GRIK5: variants seen among roughly 807,000 people sequenced by gnomAD.
GRIK5 encodes the protein glutamate ionotropic receptor kainate type subunit 5, also known as glutamate receptor ionotropic, kainate 5.
GRIK5 carries 43 observed loss-of-function variants against 97.4 expected under a neutral mutation model. The observed-to-expected ratio is 0.44, with a 90% CI of 0.35 to 0.57. GRIK5 has a LOEUF of 0.57. GRIK5 is among the 20% of genes least tolerant of loss of function. The pLI, the probability that GRIK5 is intolerant of heterozygous loss-of-function variation, is 0.01. For synonymous variants in GRIK5, 580 were observed against 583.5 expected, an observed-to-expected ratio of 0.99 and a Z score of 0.09; for missense variants, 1,015 against 1,382.0, an observed-to-expected ratio of 0.73 and a Z score of 4.21.
intron 12 of GRIK5, among the ~76,000 whole-genome samples, chr19:42,030,544 G>C (rs1048871792): frequency 1.3e-5 from 2 of 151,910 alleles, no homozygotes; most frequent in Non-Finnish European, 2.9e-5. Flanking sequence ...CTGTAGTCTC[G>C]AACTCCCAGG....
chr19:42,065,495 G>T lies in GRIK5; in HGVS notation c.80-108C>A, dbSNP rs2076318520. ...GGTGAGGTGGGTATACGGACCAGGG[G>T]TCTAGACACCTGGATCTGAGGTTGG... On this transcript the variant is annotated intron_variant, in intron 2 of 19. Coordinates refer to ENST00000593562, the MANE Select transcript of GRIK5 (RefSeq NM_002088.5). This position sits in a 1 kb window ranked among gnomAD's most constrained non-coding sequence, Gnocchi z 5.8. 2 of 1,190,692 alleles carry T rather than the reference G, an allele frequency of 1.7e-6. No homozygotes were observed. The highest frequency in any genetic ancestry group is 2.6e-5 in the Admixed American group (1 of 38,906). 73.8% of individuals were successfully genotyped at this position (1,190,692 alleles called of 1,614,324 possible).
intron 15 of GRIK5, among the ~76,000 whole-genome samples, chr19:42,020,522 A>T (rs1320043819): frequency 2.6e-5 from 4 of 152,116 alleles, no homozygotes; most frequent in South Asian, 2.1e-4. Context: ...TGAGGCTGAA[A>T]CCTACTGGGC....
Position 42,002,642 on chromosome 19 carries a change from A to G in GRIK5, c.2514+690T>C. 1.6e-6 allele frequency: 1 copy of G among 621,738 alleles called. No homozygotes were observed. The highest frequency in any genetic ancestry group is 2.9e-6 in the Non-Finnish European group (1 of 344,344). 38.5% of individuals were successfully genotyped at this position (621,738 alleles called of 1,614,324 possible). On this transcript the variant is annotated intron_variant, in intron 19 of 19. Transcript: ENST00000593562. The surrounding 1 kb of genome is among the most constrained non-coding windows in gnomAD (Gnocchi z 5.2). ...AGGGGAAGCAGGGAACCAGCAGTCCAGGGGTGCAAGAGCACGAATGGGTCT... is the reference window on the plus strand; with the variant it reads ...AGGGGAAGCAGGGAACCAGCAGTCCGGGGGTGCAAGAGCACGAATGGGTCT...
At chr19:42,052,300 C>T (rs926999596) in intron 11 of GRIK5, among the ~76,000 whole-genome samples, 6 of 152,080 alleles carry the variant, frequency 3.9e-5, no homozygotes, top group African/African-American at 9.7e-5. Context: ...ACCAAGGCCC[C>T]CAACTCTTCT....
At chr19:42,064,895 C>T (rs988284088) in intron 3 of GRIK5, among the ~76,000 whole-genome samples, 28 of 152,244 alleles carry the variant, frequency 1.8e-4, no homozygotes, top group African/African-American at 5.8e-4. Flanking sequence ...TGCTGACCCT[C>T]GCCCAAGCCT....
chr19:42,011,217 T>G (rs548554401), intron 15 of GRIK5, among the ~76,000 whole-genome samples: 1 of 152,214 alleles, frequency 6.6e-6, no homozygotes, highest in South Asian at 2.1e-4. Context: ...TATCATGTTG[T>G]CAAGGTCTTA....
intron 11 of GRIK5, among the ~76,000 whole-genome samples, chr19:42,050,547 A>T (rs1001219141): frequency 6.6e-6 from 1 of 151,170 alleles, no homozygotes; most frequent in Non-Finnish European, 1.5e-5. Context: ...AGTCCCAGCT[A>T]CTCGGGACAC....
chr19:42,041,270 T>C (rs2075974342), intron 12 of GRIK5, among the ~76,000 whole-genome samples: 1 of 152,200 alleles, frequency 6.6e-6, no homozygotes, highest in Admixed American at 6.5e-5. Flanking sequence ...ACGTCAAGGC[T>C]GCCCTGGCCA....
In GRIK5 at chr19:41,999,620, T is replaced by TCC. The variant is rs2075408737; in HGVS notation, c.2515-323_2515-322dup. Among the ~76,000 whole-genome samples, 2 of 152,210 alleles carry TCC rather than the reference T, an allele frequency of 1.3e-5. No individual in the cohort carries two copies. The highest frequency in any genetic ancestry group is 4.1e-4 in the South Asian group (2 of 4,834). On this transcript the variant is annotated intron_variant, in intron 19 of 19. Transcript: ENST00000593562. The surrounding 1 kb of genome is among the most constrained non-coding windows in gnomAD (Gnocchi z 5.0). ...TTTCTCCAGTTCTTCCTTCCTGATT[T>TCC]CCCATCTTCTGCCCCTCATCCATGC...
intron 11 of GRIK5, among the ~76,000 whole-genome samples, chr19:42,045,919 C>T (rs2076037801): frequency 6.6e-6 from 1 of 152,178 alleles, no homozygotes; most frequent in African/African-American, 2.4e-5. Context: ...CTGTGCTAGA[C>T]TGAGCTCAAG....
At chr19:42,043,528 C>G (rs1346659329) in intron 11 of GRIK5, among the ~76,000 whole-genome samples, 2 of 151,800 alleles carry the variant, frequency 1.3e-5, no homozygotes, top group Non-Finnish European at 2.9e-5. Context: ...GCCTCACCCC[C>G]GCCAAGTAGC....
chr19:42,054,846 G>A (rs1219071331), intron 8 of GRIK5, among the ~76,000 whole-genome samples: 3 of 152,162 alleles, frequency 2.0e-5, no homozygotes, highest in Non-Finnish European at 2.9e-5. Context: ...TCTGGGGCAC[G>A]TTTACATGAG....
Position 42,053,900 on chromosome 19 carries a change from G to T in GRIK5, c.1086C>A (p.Val362=), listed in dbSNP as rs781423522. The change falls in exon 10 of 20, where the codon GTC becomes GTA. Residue 362 remains valine, a synonymous_variant. Transcript: ENST00000593562. The part of the protein sequence containing the change: ...MVEYDGLTGR[V]EFNSKGQRTN... ...TTCTCTGCCCTTTGCTGTTGAACTC[G>T]ACCCGCCCGGTCAGCCCATCATACT... The T allele has an allele frequency of 6.2e-7, 1 of 1,613,804 alleles. No individual in the cohort carries two copies. The highest frequency in any genetic ancestry group is 8.5e-7 in the Non-Finnish European group (1 of 1,179,784).
At chr19:42,066,707 G>T (rs763309802) in intron 1 of GRIK5, among the ~76,000 whole-genome samples, 2 of 151,842 alleles carry the variant, frequency 1.3e-5, no homozygotes, top group South Asian at 2.1e-4. Flanking sequence ...GAGACAGGAG[G>T]ATGAGGAGGC....
At chr19:42,040,004 C>T (rs530484355) in intron 12 of GRIK5, among the ~76,000 whole-genome samples, 10 of 151,964 alleles carry the variant, frequency 6.6e-5, no homozygotes, top group East Asian at 1.9e-4. Context: ...AAAGGACACA[C>T]GCATACAGCA....
Position 42,042,501 on chromosome 19 carries a change from T to G in GRIK5, c.1473+51A>C. 6.6e-7 allele frequency: 1 copy of G among 1,503,794 alleles called. No homozygotes were observed. Among genetic ancestry groups the G allele is most frequent in the Non-Finnish European group, 9.1e-7 (1 of 1,100,898 alleles). 93.2% of individuals were successfully genotyped at this position (1,503,794 alleles called of 1,614,324 possible). A position where few individuals can be genotyped will look rare whatever the true frequency, so the allele number is the denominator to read the frequency against. The stretch of plus-strand genomic sequence containing the variant: ...CGACTGGCTGCCCAGCTGCCCGCCC[T>G]CCCTCACTCGCCGGGTCCATGCATC... On this transcript the variant is annotated intron_variant, in intron 12 of 19. Transcript: ENST00000593562. The surrounding 1 kb of genome is among the most constrained non-coding windows in gnomAD (Gnocchi z 6.9).
intron 11 of GRIK5, among the ~76,000 whole-genome samples, chr19:42,051,594 G>A (rs1466043043): frequency 6.6e-6 from 1 of 152,206 alleles, no homozygotes; most frequent in Admixed American, 6.5e-5. Context: ...TACTTGCTAG[G>A]TATTAGTCAC....
rs748234973 is a variant in GRIK5 at position 42,042,772 on chromosome 19, A to C, written c.1270-17T>G. The C allele has an allele frequency of 1.2e-6, 2 of 1,604,536 alleles. No individual in the cohort carries two copies. The highest frequency in any genetic ancestry group is 1.7e-5 in the Admixed American group (1 of 59,454). On this transcript the variant is annotated splice_polypyrimidine_tract_variant and intron_variant, in intron 11 of 19. Coordinates refer to ENST00000593562, the MANE Select transcript of GRIK5 (RefSeq NM_002088.5). This position sits in a 1 kb window ranked among gnomAD's most constrained non-coding sequence, Gnocchi z 6.9. ...TGGGTTCTCCTGGGTGGGCAGAAGA[A>C]AGCAGGGGTCAGAGGCTGGGTGTCT... is the stretch of plus-strand genomic sequence containing the variant.
At chr19:42,020,406 T>TCCTC (rs2075682643) in intron 15 of GRIK5, among the ~76,000 whole-genome samples, 1 of 152,222 alleles carries the variant, frequency 6.6e-6, no homozygotes, top group Admixed American at 6.5e-5. Flanking sequence ...TGGGGCTGAT[T>TCCTC]CCTCACCTGA....
Sources: allele counts gnomAD v4.1 joint callset (sites outside exome capture counted in the v4.1 genomes callset), GRCh38; gene constraint gnomAD v4.1.1; non-coding constraint Gnocchi (gnomAD v3.1); transcripts MANE v1.5; gene names NCBI Gene and HGNC (gene_info 2026-07-23, HGNC 2026-07-21).